Variants in GRIP1 observed in about 807,000 individuals in gnomAD.
GRIP1 encodes the protein glutamate receptor-interacting protein 1.
A neutral mutation model predicts 129.9 loss-of-function variants in GRIP1; 45 were observed. That is an observed-to-expected ratio of 0.35 (90% CI 0.27 to 0.44). GRIP1 has a LOEUF of 0.44. GRIP1 is among the 20% of genes least tolerant of loss of function. GRIP1 has a pLI of 1.00. For missense variants in GRIP1, 1,196 were observed against 1,396.8 expected (o/e 0.86, Z 2.29); for synonymous variants, 530 against 520.8 (o/e 1.02, Z -0.24).
intron 23 of GRIP1, among the ~76,000 whole-genome samples, chr12:66,359,453 C>A (rs889908010): frequency 2.0e-5 from 3 of 152,182 alleles, no homozygotes; most frequent in African/African-American, 7.2e-5. Context: ...ACTAACAACA[C>A]CACCCAATGG....
intron 1 of GRIP1, among the ~76,000 whole-genome samples, chr12:66,951,624 T>C (rs2041759794): frequency 6.6e-6 from 1 of 152,200 alleles, no homozygotes; most frequent in Non-Finnish European, 1.5e-5. Context: ...GGACAATGGT[T>C]AAGTGAGGAT....
chr12:66,793,945 G>A (rs181733907), intron 1 of GRIP1, among the ~76,000 whole-genome samples: 4 of 152,256 alleles, frequency 2.6e-5, no homozygotes, highest in Non-Finnish European at 5.9e-5. Flanking sequence ...CATAAATTAC[G>A]AAGCATAGGG....
chr12:67,052,826 C>T (rs1421539791), intron 1 of GRIP1, among the ~76,000 whole-genome samples: 1 of 151,716 alleles, frequency 6.6e-6, no homozygotes, highest in African/African-American at 2.4e-5. Flanking sequence ...TTACAACAAC[C>T]CTGAAGAGTA....
At chr12:66,416,954 C>T (rs183333360) in intron 15 of GRIP1, among the ~76,000 whole-genome samples, 2 of 151,826 alleles carry the variant, frequency 1.3e-5, no homozygotes, top group Admixed American at 1.3e-4. Flanking sequence ...CACACACACA[C>T]ACACAAAGAA....
At chr12:66,721,481 G>T (rs897232194) in intron 1 of GRIP1, among the ~76,000 whole-genome samples, 2 of 151,944 alleles carry the variant, frequency 1.3e-5, no homozygotes, top group African/African-American at 2.4e-5. Context: ...TATCATGTTG[G>T]CCAGGCTGGT....
At chr12:66,471,320 C>G (rs1472190871) in intron 7 of GRIP1, among the ~76,000 whole-genome samples, 1 of 152,174 alleles carries the variant, frequency 6.6e-6, no homozygotes, top group African/African-American at 2.4e-5. Flanking sequence ...AAGCATGACA[C>G]TGGACTATAA....
chr12:66,844,794 A>C (rs1031652669), intron 1 of GRIP1, among the ~76,000 whole-genome samples: 9 of 152,216 alleles, frequency 5.9e-5, no homozygotes, highest in Admixed American at 5.9e-4. Flanking sequence ...AAGGAAGAAA[A>C]CTCTGACAGA....
intron 1 of GRIP1, among the ~76,000 whole-genome samples, chr12:66,612,931 C>T (rs11176316): frequency 0.37 from 56,692 of 151,696 alleles, 11,269 homozygotes; most frequent in African/African-American, 0.49. Flanking sequence ...TGTTTCTATT[C>T]AATTACCGGG....
At chr12:66,593,238 T>C (rs1046634298) in intron 2 of GRIP1, among the ~76,000 whole-genome samples, 1 of 151,704 alleles carries the variant, frequency 6.6e-6, no homozygotes, top group East Asian at 1.9e-4. Flanking sequence ...CCTAAGAGTG[T>C]TTAATCCATT....
chr12:66,824,785 T>C (rs114404560), intron 1 of GRIP1, among the ~76,000 whole-genome samples: 293 of 152,312 alleles, frequency 1.9e-3, no homozygotes, highest in African/African-American at 6.7e-3. Context: ...AATACTATAT[T>C]GACTTTTATC....
At chr12:66,662,154 T>C (rs1307436080) in intron 1 of GRIP1, among the ~76,000 whole-genome samples, 1 of 152,076 alleles carries the variant, frequency 6.6e-6, no homozygotes, top group Non-Finnish European at 1.5e-5. Context: ...GTAACCCAGG[T>C]TGAGAAAGAC....
At chr12:67,036,680 G>C (rs1468613716) in intron 1 of GRIP1, among the ~76,000 whole-genome samples, 3 of 151,936 alleles carry the variant, frequency 2.0e-5, no homozygotes, top group African/African-American at 7.3e-5. Flanking sequence ...CCTTGTTGTG[G>C]CTTCACAATT....
intron 1 of GRIP1, among the ~76,000 whole-genome samples, chr12:66,953,894 C>T (rs2041799144): frequency 6.6e-6 from 1 of 152,142 alleles, no homozygotes; most frequent in African/African-American, 2.4e-5. Flanking sequence ...TTCTCAGCTC[C>T]TCTAGTAAAA....
chr12:66,722,021 T>A (rs1213507360), intron 1 of GRIP1, among the ~76,000 whole-genome samples: 1 of 152,216 alleles, frequency 6.6e-6, no homozygotes. Flanking sequence ...GGCTGGTTTG[T>A]TCTCTCCAAA....
intron 4 of GRIP1, among the ~76,000 whole-genome samples, chr12:66,538,519 A>G (rs2061675163): frequency 6.6e-6 from 1 of 151,854 alleles, no homozygotes; most frequent in South Asian, 2.1e-4. Flanking sequence ...TGTTCAAGGA[A>G]CCCTTATTTT....
chr12:66,349,069 G>A lies in GRIP1; in HGVS notation c.3337C>T (p.Pro1113Ser), dbSNP rs1174970694. 1.2e-6 allele frequency: 2 copies of A among 1,614,068 alleles called. No homozygotes were observed. Among genetic ancestry groups the A allele is most frequent in the Non-Finnish European group, 1.7e-6 (2 of 1,179,940 alleles). ...GTCTCCAAATTACCACCGTGGCTAGGCTGCTGGAAAAAAGCACTGTTCTGT... is the reference window on the plus strand; with the variant it reads ...GTCTCCAAATTACCACCGTGGCTAGACTGCTGGAAAAAAGCACTGTTCTGT... Reference protein sequence around the residue: ...SEQNSAFFQQPSHGGNLETRE... With the variant: ...SEQNSAFFQQSSHGGNLETRE... The change falls in exon 25 of 25, where the codon CCT (proline) becomes TCT (serine). Residue 1113 changes from proline to serine, a missense_variant. Pro to Ser is a moderately conservative substitution (Grantham distance 74). Coordinates refer to ENST00000359742, the MANE Select transcript of GRIP1 (RefSeq NM_001366722.1).
At chr12:66,405,587 T>C (rs2057162637) in intron 16 of GRIP1, among the ~76,000 whole-genome samples, 1 of 152,216 alleles carries the variant, frequency 6.6e-6, no homozygotes, top group Non-Finnish European at 1.5e-5. Flanking sequence ...TATGATTCTA[T>C]GCCCTCCTAA....
intron 13 of GRIP1, among the ~76,000 whole-genome samples, chr12:66,436,974 CAAA>C (rs71069003): frequency 0.012 from 1,320 of 113,494 alleles, 17 homozygotes; most frequent in African/African-American, 0.042. Context: ...ACTCTGTCTC[CAAA>C]AAAAAAAAAA....
At chr12:66,595,090 C>T (rs1230919301) in intron 2 of GRIP1, among the ~76,000 whole-genome samples, 2 of 152,144 alleles carry the variant, frequency 1.3e-5, no homozygotes, top group Non-Finnish European at 2.9e-5. Flanking sequence ...TCTGAACACT[C>T]CTAATATCTC....
Sources: allele counts gnomAD v4.1 joint callset (sites outside exome capture counted in the v4.1 genomes callset), GRCh38; gene constraint gnomAD v4.1.1; transcripts MANE v1.5; gene names NCBI Gene and HGNC (gene_info 2026-07-23, HGNC 2026-07-21).